The following LTN1 variants were observed in gnomAD, a reference collection of about 807,000 sequenced individuals.
LTN1 encodes listerin E3 ubiquitin protein ligase 1.
Under a neutral mutation model 201.2 loss-of-function variants are expected in LTN1, and 88 were observed. That is an observed-to-expected ratio of 0.44 (90% CI 0.37 to 0.52). LTN1 has a LOEUF of 0.52. Ranked by LOEUF, LTN1 falls within the 20% of genes least tolerant of loss-of-function variation. The probability of loss-of-function intolerance (pLI) is 0.00; values close to 1 mark genes in which losing one functional copy is unlikely to be tolerated. For synonymous variants in LTN1, 645 were observed against 713.5 expected, an observed-to-expected ratio of 0.90 and a Z score of 1.53; for missense variants, 1,752 against 2,038.7, an observed-to-expected ratio of 0.86 and a Z score of 2.71.
intron 6 of LTN1, among the ~76,000 whole-genome samples, chr21:28,975,980 T>C (rs904361006): frequency 6.6e-6 from 1 of 152,182 alleles, no homozygotes; most frequent in Non-Finnish European, 1.5e-5. Context: ...AGAAGCTAGA[T>C]AGAGAGTAAT....
intron 25 of LTN1, among the ~76,000 whole-genome samples, chr21:28,940,606 G>A (rs2084289760): frequency 6.6e-6 from 1 of 151,594 alleles, no homozygotes; most frequent in African/African-American, 2.4e-5. Flanking sequence ...CAATTCTTTT[G>A]AAATCATTAC....
chr21:28,989,858 T>C (rs760443313), intron 1 of LTN1, among the ~76,000 whole-genome samples: 1 of 151,314 alleles, frequency 6.6e-6, no homozygotes, highest in South Asian at 2.1e-4. Flanking sequence ...CTATTAAAAA[T>C]ACAAAAAATT....
intron 6 of LTN1, among the ~76,000 whole-genome samples, chr21:28,974,918 C>T (rs2084603329): frequency 6.6e-6 from 1 of 152,024 alleles, no homozygotes; most frequent in African/African-American, 2.4e-5. Context: ...GAACTGAGAG[C>T]TAAGCCATTT....
chr21:28,970,878 T>C (rs2084569168), intron 7 of LTN1, 136 bp from the exon 8 acceptor site: 1 of 554,118 alleles, frequency 1.8e-6, no homozygotes, highest in Non-Finnish European at 3.0e-6. Flanking sequence ...TTCACCACCA[T>C]TAAAAACTAA....
At chr21:28,965,317 G>A (rs2084512380) in intron 11 of LTN1, among the ~76,000 whole-genome samples, 1 of 152,242 alleles carries the variant, frequency 6.6e-6, no homozygotes, top group Admixed American at 6.5e-5. Flanking sequence ...ATCCTCATTA[G>A]GAAAGAATAC....
chr21:28,947,248 A>G (rs775675068), intron 19 of LTN1, among the ~76,000 whole-genome samples: 2 of 152,192 alleles, frequency 1.3e-5, no homozygotes, highest in Non-Finnish European at 2.9e-5. Context: ...AAATGGTTAG[A>G]AGGTATTTCT....
chr21:28,959,134 C>T (rs1214606322), intron 13 of LTN1, among the ~76,000 whole-genome samples: 1 of 152,098 alleles, frequency 6.6e-6, no homozygotes, highest in African/African-American at 2.4e-5. Context: ...ATATTATTAT[C>T]CCCCTTTTAC....
chr21:28,965,171 G>GA (rs1018509389), intron 11 of LTN1, among the ~76,000 whole-genome samples: 1 of 151,836 alleles, frequency 6.6e-6, no homozygotes, highest in African/African-American at 2.4e-5. Flanking sequence ...TTAAAAAATA[G>GA]AAAAAAACTT....
chr21:28,957,296 C>T (rs1337573946), intron 15 of LTN1, 36 bp downstream of exon 15: 2 of 1,515,006 alleles, frequency 1.3e-6, no homozygotes, highest in African/African-American at 1.4e-5. Context: ...ATCCAAACTT[C>T]AGAATGAGAT....
intron 16 of LTN1, among the ~76,000 whole-genome samples, chr21:28,954,218 C>T (rs1334622362): frequency 6.6e-6 from 1 of 152,222 alleles, no homozygotes; most frequent in African/African-American, 2.4e-5. Flanking sequence ...TGTTAAACTA[C>T]AGGCTTGTTT....
chr21:28,958,093 T>C (rs1296003675), intron 14 of LTN1, among the ~76,000 whole-genome samples: 2 of 152,354 alleles, frequency 1.3e-5, no homozygotes, highest in Non-Finnish European at 2.9e-5. Flanking sequence ...AAAATGGTTT[T>C]GGAAAAATTC....
chr21:28,928,160 A>T lies in LTN1; in HGVS notation c.*2288T>A, dbSNP rs1290141940. The stretch of plus-strand genomic sequence containing the variant: ...GCGCCAGGGAGAAGTACAAAAGAGT[A>T]ACATTTTATTTATTTAAAAATCAGA... On this transcript the variant is annotated 3_prime_UTR_variant, in exon 30 of 30. Coordinates refer to ENST00000361371, the MANE Select transcript of LTN1 (RefSeq NM_015565.3). The T allele has an allele frequency of 1.3e-5, 2 of 152,622 alleles. No individual in the cohort carries two copies. The highest frequency in any genetic ancestry group is 4.8e-5 in the African/African-American group (2 of 41,448). The allele number at this position is 152,622 out of a possible 1,614,324, so 9.5% of individuals were successfully genotyped here.
chr21:28,984,540 TAACTA>T (rs1453384196), intron 4 of LTN1, 147 bp downstream of exon 4: 1 of 514,880 alleles, frequency 1.9e-6, no homozygotes, highest in African/African-American at 1.9e-5. Context: ...AATGGTTATT[TAACTA>T]AACAGAATTT....
intron 18 of LTN1, among the ~76,000 whole-genome samples, chr21:28,951,578 G>T (rs922291791): frequency 6.6e-6 from 1 of 151,836 alleles, no homozygotes; most frequent in Non-Finnish European, 1.5e-5. Flanking sequence ...GATTTCTGGG[G>T]AAAAGAAAAC....
chr21:28,970,818 G>A, intron 7 of LTN1, 76 bp from the exon 8 acceptor site: 3 of 1,144,016 alleles, frequency 2.6e-6, no homozygotes, highest in Non-Finnish European at 3.6e-6. Context: ...AAAACATATA[G>A]GCTCTCAAAA....
chr21:28,942,508 AAGAG>A (rs1475380226), intron 24 of LTN1, among the ~76,000 whole-genome samples: 2 of 152,184 alleles, frequency 1.3e-5, no homozygotes, highest in Non-Finnish European at 2.9e-5. Context: ...TCTCAGAAAT[AAGAG>A]AGAGAAATTC....
intron 1 of LTN1, among the ~76,000 whole-genome samples, chr21:28,991,290 C>A (rs988512175): frequency 3.7e-4 from 51 of 137,444 alleles, no homozygotes; most frequent in East Asian, 1.1e-3. Context: ...CCCTGTCTTA[C>A]AAAAAAAAAA....
In LTN1 at chr21:28,964,203, A is replaced by G. The variant is rs989006752; in HGVS notation, c.2163+1662T>C. On this transcript the variant is annotated intron_variant, in intron 11 of 29. Transcript: ENST00000361371. ...TTTGGGTAAAATGCTATCAAACAGC[A>G]TCATATGCTACAGAGAAATCTTTCA... Among the ~76,000 whole-genome samples the G allele has an allele frequency of 2.0e-4, 31 of 152,232 alleles. 1 individual carries two copies. Among genetic ancestry groups the G allele is most frequent in the African/African-American group, 7.5e-4 (31 of 41,464 alleles).
chr21:28,979,735 C>T (rs1233390955), intron 6 of LTN1, among the ~76,000 whole-genome samples: 2 of 151,922 alleles, frequency 1.3e-5, no homozygotes, highest in Non-Finnish European at 2.9e-5. Flanking sequence ...TTTGGGAGGC[C>T]GAGGTGGGTG....
Sources: allele counts gnomAD v4.1 joint callset (sites outside exome capture counted in the v4.1 genomes callset), GRCh38; gene constraint gnomAD v4.1.1; transcripts MANE v1.5; gene names NCBI Gene and HGNC (gene_info 2026-07-23, HGNC 2026-07-21).